Variants in ACVR1 observed in about 807,000 individuals in gnomAD.
The protein encoded by ACVR1 is activin receptor type-1.
Under a neutral mutation model 57.1 loss-of-function variants are expected in ACVR1, and 38 were observed. The observed-to-expected ratio is 0.67, with a 90% CI of 0.51 to 0.87. The LOEUF (loss-of-function observed/expected upper bound fraction) is 0.87. Among genes scored for constraint, ACVR1 ranks in the 40% least tolerant of loss-of-function variants. The probability of loss-of-function intolerance (pLI) is 0.00; values close to 1 mark genes in which losing one functional copy is unlikely to be tolerated. For synonymous variants in ACVR1, 212 were observed against 228.1 expected (o/e 0.93, Z 0.63); for missense variants, 463 against 638.2 (o/e 0.73, Z 2.96).
rs369726854 is a variant in ACVR1, at chr2:157,738,960, AG to A, written c.1265-391del. ...CTACCTATGGAAAGTACCTGAATCTAGTGGTTTCAAACCATAAATAGAAATA... is the reference window on the plus strand; with the variant it reads ...CTACCTATGGAAAGTACCTGAATCTATGGTTTCAAACCATAAATAGAAATA... On this transcript the variant is annotated intron_variant, in intron 9 of 10. Transcript: ENST00000434821. 3.2e-4 allele frequency among the ~76,000 whole-genome samples: 48 copies of A among 152,374 alleles called. 1 individual carries two copies. In the East Asian group the frequency reaches 5.4e-3, roughly 17 times the overall value.
intron 6 of ACVR1, among the ~76,000 whole-genome samples, chr2:157,771,020 A>G (rs542996896): frequency 2.6e-5 from 4 of 152,340 alleles, no homozygotes; most frequent in South Asian, 4.1e-4. Flanking sequence ...CATTTTTTCC[A>G]CAAAGGAGAA....
chr2:157,792,814 T>C (rs758597172), intron 3 of ACVR1, among the ~76,000 whole-genome samples: 1 of 152,248 alleles, frequency 6.6e-6, no homozygotes, highest in Non-Finnish European at 1.5e-5. Context: ...GCACTATCTA[T>C]GCAGTGGGTC....
intron 1 of ACVR1, among the ~76,000 whole-genome samples, chr2:157,847,928 C>A (rs1224028584): frequency 6.6e-6 from 1 of 151,570 alleles, no homozygotes; most frequent in African/African-American, 2.4e-5. Flanking sequence ...AAATATCCCC[C>A]CACCACCCCA....
At chr2:157,789,916 G>A (rs943473577) in intron 3 of ACVR1, among the ~76,000 whole-genome samples, 15 of 152,306 alleles carry the variant, frequency 9.8e-5, no homozygotes, top group African/African-American at 3.6e-4. Flanking sequence ...TTCTCTCAAA[G>A]AGAAAACTTA....
chr2:157,760,134 T>C (rs996213975), intron 9 of ACVR1, among the ~76,000 whole-genome samples: 16 of 152,106 alleles, frequency 1.1e-4, no homozygotes, highest in African/African-American at 3.9e-4. Context: ...ATACATTCAA[T>C]GTGGAAAAAG....
chr2:157,742,348 T>C (rs114527253), intron 9 of ACVR1, among the ~76,000 whole-genome samples: 2,605 of 152,078 alleles, frequency 0.017, 68 homozygotes, highest in African/African-American at 0.056. Flanking sequence ...AAACAACAAA[T>C]GACACAGGAA....
rs189136789 is a variant in ACVR1, at chr2:157,804,000, C to T, written c.-7-4500G>A. Among the ~76,000 whole-genome samples the T allele has an allele frequency of 8.6e-4, 131 of 152,130 alleles. No individual in the cohort carries two copies. In the Middle Eastern group the frequency reaches 0.014, roughly 16 times the overall value. ...TGTTTTCCTGCTTTTTAGAAAATCT[C>T]TGTTCAATAAAACACAGCTGGATTC... On this transcript the variant is annotated intron_variant, in intron 2 of 10. Transcript: ENST00000434821.
chr2:157,766,023 CTA>C lies in ACVR1; in HGVS notation c.962_963del (p.Ile321ArgfsTer24). ...GGTTTCCCTTGGGTCCCAAATATCT[CTA>C]TGTGCAAATGTGCAAGACCACTAGC... ...SIASGLAHLH[I>X]EIFGTQGKPA... On this transcript the variant is annotated frameshift_variant, in exon 8 of 11. Transcript: ENST00000434821. LOFTEE classifies it high-confidence loss of function. 6.2e-7 allele frequency: 1 copy of C among 1,614,126 alleles called. No individual in the cohort carries two copies. Among genetic ancestry groups the C allele is most frequent in the Non-Finnish European group, 8.5e-7 (1 of 1,180,010 alleles).
chr2:157,737,034 A>T lies in ACVR1; in HGVS notation c.*497T>A. ...CCAAAGACAGACCAGTGGAGTACGC[A>T]GCCAACATTTTGGCAAGTTGGGTCT... On this transcript the variant is annotated 3_prime_UTR_variant, in exon 11 of 11. Transcript: ENST00000434821. The T allele has an allele frequency of 3.4e-6, 1 of 295,856 alleles. No individual in the cohort carries two copies. Among genetic ancestry groups the T allele is most frequent in the Non-Finnish European group, 6.3e-6 (1 of 159,740 alleles). 18.3% of individuals were successfully genotyped at this position (295,856 alleles called of 1,614,324 possible).
chr2:157,848,072 C>T (rs1000909890), intron 1 of ACVR1, among the ~76,000 whole-genome samples: 3 of 152,094 alleles, frequency 2.0e-5, no homozygotes, highest in Non-Finnish European at 4.4e-5. Context: ...TGGGTGAGAT[C>T]CTGTAACTGA....
chr2:157,807,713 G>T (rs1388946176), intron 2 of ACVR1, among the ~76,000 whole-genome samples: 1 of 151,952 alleles, frequency 6.6e-6, no homozygotes, highest in Non-Finnish European at 1.5e-5. Flanking sequence ...CTCATTTCTA[G>T]CTGTGCCTGA....
At chr2:157,801,113 A>G (rs1356607133) in intron 2 of ACVR1, among the ~76,000 whole-genome samples, 1 of 152,200 alleles carries the variant, frequency 6.6e-6, no homozygotes, top group African/African-American at 2.4e-5. Flanking sequence ...TATGGAATGA[A>G]ATTATTAAAC....
intron 8 of ACVR1, among the ~76,000 whole-genome samples, chr2:157,763,560 A>G (rs930219056): frequency 2.6e-5 from 4 of 152,138 alleles, no homozygotes; most frequent in African/African-American, 7.2e-5. Flanking sequence ...TTCTACTAAG[A>G]ACAAAAAAAA....
chr2:157,870,249 C>T (rs1450495507), intron 1 of ACVR1, among the ~76,000 whole-genome samples: 1 of 120,264 alleles, frequency 8.3e-6, no homozygotes, highest in African/African-American at 3.1e-5. Context: ...CCCCTCTGTA[C>T]ATTTCTAAAG....
At chr2:157,774,011 T>C (rs2105271422) in intron 6 of ACVR1, 77 bp downstream of exon 6, 2 of 1,299,418 alleles carry the variant, frequency 1.5e-6, no homozygotes, top group Admixed American at 1.7e-5. Context: ...AAGCAGATTT[T>C]CCAAGTTCCA....
chr2:157,775,072 A>G (rs1342309560), intron 5 of ACVR1, among the ~76,000 whole-genome samples: 3 of 152,218 alleles, frequency 2.0e-5, no homozygotes, highest in Admixed American at 6.5e-5. Context: ...AAAGACTCCA[A>G]TGACCATGTG....
At chr2:157,815,045 C>T (rs1048777587) in intron 2 of ACVR1, among the ~76,000 whole-genome samples, 1 of 151,990 alleles carries the variant, frequency 6.6e-6, no homozygotes, top group Non-Finnish European at 1.5e-5. Context: ...GCCAAGATGG[C>T]GCCACTGCAC....
chr2:157,782,332 T>C (rs1037016347), intron 3 of ACVR1, among the ~76,000 whole-genome samples: 1 of 152,190 alleles, frequency 6.6e-6, no homozygotes, highest in African/African-American at 2.4e-5. Context: ...AGCAAAGACA[T>C]GCCTGAAAGC....
At chr2:157,825,362 TC>T (rs1464870476) in intron 1 of ACVR1, among the ~76,000 whole-genome samples, 1 of 152,174 alleles carries the variant, frequency 6.6e-6, no homozygotes, top group African/African-American at 2.4e-5. Flanking sequence ...TGGAGTCAAA[TC>T]AATTCCTGAG....
Sources: allele counts gnomAD v4.1 joint callset (sites outside exome capture counted in the v4.1 genomes callset), GRCh38; gene constraint gnomAD v4.1.1; transcripts MANE v1.5; gene names NCBI Gene and HGNC (gene_info 2026-07-23, HGNC 2026-07-21).